The following COL18A1 variants were observed in gnomAD, a reference collection of about 807,000 sequenced individuals.
The protein encoded by COL18A1 is collagen type XVIII alpha 1 chain.
A neutral mutation model predicts 168.0 loss-of-function variants in COL18A1; 133 were observed. That is an observed-to-expected ratio of 0.79 (90% CI 0.69 to 0.91). COL18A1 has a LOEUF of 0.91. Ranked by LOEUF, COL18A1 falls within the 40% of genes least tolerant of loss-of-function variation. The probability of loss-of-function intolerance (pLI) is 0.00; values close to 1 mark genes in which losing one functional copy is unlikely to be tolerated. For missense variants in COL18A1, 2,126 were observed against 1,925.4 expected (o/e 1.10, Z -1.95); for synonymous variants, 949 against 809.0 (o/e 1.17, Z -2.94).
chr21:45,503,939 T>C, intron 32 of COL18A1, 72 bp from the exon 33 acceptor site: 1 of 1,570,502 alleles, frequency 6.4e-7, no homozygotes, highest in Non-Finnish European at 8.8e-7. Context: ...CCACCAGTGC[T>C]GGGGGCTGCA....
At chr21:45,477,222 T>A (rs2035708029) in intron 6 of COL18A1, among the ~76,000 whole-genome samples, 189 bp from the exon 7 acceptor site, 1 of 152,194 alleles carries the variant, frequency 6.6e-6, no homozygotes, top group South Asian at 2.1e-4. Context: ...TTTTAAATTC[T>A]GTCTCCCTGT....
chr21:45,474,004 G>A, intron 4 of COL18A1, 23 bp downstream of exon 4: 1 of 1,559,538 alleles, frequency 6.4e-7, no homozygotes, highest in Non-Finnish European at 8.7e-7. Flanking sequence ...TGGGGCACGG[G>A]TGGGGTCTCC....
intron 2 of COL18A1, among the ~76,000 whole-genome samples, chr21:45,429,897 G>C (rs77297824): frequency 6.6e-6 from 1 of 151,398 alleles, no homozygotes; most frequent in African/African-American, 2.4e-5. Context: ...CTGTGAAGCG[G>C]GGTCATGGTT....
intron 2 of COL18A1, among the ~76,000 whole-genome samples, chr21:45,411,759 CGGGGGGTGGGGG>C (rs1418789411): frequency 1.3e-4 from 1 of 7,582 alleles, no homozygotes; most frequent in Non-Finnish European, 2.5e-4. Context: ...GGGCTGATGG[CGGGGGGTGGGGG>C]GGGGGCAGGC....
chr21:45,510,154 G>A lies in COL18A1; in HGVS notation c.3586G>A (p.Val1196Met), dbSNP rs755388454. ...CCAGTGCTTCCAGCAGGCGCGGGCCGTGGGGCTGGCGGGCACCTTCCGCGC... is the reference window on the plus strand; with the variant it reads ...CCAGTGCTTCCAGCAGGCGCGGGCCATGGGGCTGGCGGGCACCTTCCGCGC... ...DFQCFQQARA[V>M]GLAGTFRAFL... The change falls in exon 40 of 42, where the codon GTG becomes ATG. Residue 1196 changes from valine (V) to methionine (M), a missense_variant. Coordinates refer to ENST00000651438, the MANE Select transcript of COL18A1 (RefSeq NM_001379500.1). 54 of 1,598,614 alleles carry A rather than the reference G, an allele frequency of 3.4e-5. No homozygotes were observed. The highest frequency in any genetic ancestry group is 3.2e-4 in the Admixed American group (19 of 58,578).
At chr21:45,408,279 C>T (rs1173703334) in intron 2 of COL18A1, among the ~76,000 whole-genome samples, 1 of 152,262 alleles carries the variant, frequency 6.6e-6, no homozygotes, top group East Asian at 1.9e-4. Flanking sequence ...CACAATTGTG[C>T]ACACAGGTGC....
rs2033899027 is a variant in COL18A1 at position 45,429,590 on chromosome 21, G to C, written c.106+24117G>C. On this transcript the variant is annotated intron_variant, in intron 2 of 41. Transcript: ENST00000651438. ...CCTCTCCAGTCTCATGATGGGGCTG[G>C]AGGCATCTTCTAGTTTTGAGTTCTG... Among the ~76,000 whole-genome samples, 3 of 152,162 alleles carry C rather than the reference G, an allele frequency of 2.0e-5. No homozygotes were observed. The South Asian group carries it at 6.2e-4, about 32-fold the overall frequency.
intron 32 of COL18A1, among the ~76,000 whole-genome samples, chr21:45,503,200 G>A: frequency 6.6e-6 from 1 of 152,272 alleles, no homozygotes; most frequent in East Asian, 1.9e-4. Flanking sequence ...GTGTAAAAGT[G>A]TTCCTATTTC....
At chr21:45,412,980 C>T (rs1236794314) in intron 2 of COL18A1, among the ~76,000 whole-genome samples, 3 of 152,206 alleles carry the variant, frequency 2.0e-5, no homozygotes, top group Admixed American at 6.5e-5. Context: ...TCACCCTCTC[C>T]GTGTCTTGGT....
chr21:45,406,804 T>C (rs953255650), intron 2 of COL18A1, among the ~76,000 whole-genome samples: 1 of 152,260 alleles, frequency 6.6e-6, no homozygotes, highest in Non-Finnish European at 1.5e-5. Flanking sequence ...ATGGTTTTTT[T>C]GCCTTTGAAT....
At chr21:45,418,854 A>G (rs1427632004) in intron 2 of COL18A1, among the ~76,000 whole-genome samples, 1 of 151,994 alleles carries the variant, frequency 6.6e-6, no homozygotes, top group Non-Finnish European at 1.5e-5. Context: ...GATGGCCAAT[A>G]CACACCCTCT....
At chr21:45,496,106 C>CTATGCCCTCCATGCCCTT in intron 29 of COL18A1, 1 of 390,022 alleles carries the variant, frequency 2.6e-6, no homozygotes, top group Non-Finnish European at 4.9e-6. Context: ...TCCATGCCCT[C>CTATGCCCTCCATGCCCTT]CATGCCCTCC....
At chr21:45,470,480 G>GTTTTTTTTTTT (rs2035375794) in intron 3 of COL18A1, among the ~76,000 whole-genome samples, 1 of 85,358 alleles carries the variant, frequency 1.2e-5, no homozygotes, top group East Asian at 3.5e-4. Flanking sequence ...TTTTTTTGTG[G>GTTTTTTTTTTT]GTTTTTTTTT....
intron 27 of COL18A1, 135 bp from the exon 28 acceptor site, chr21:45,494,727 C>CT (rs1030871207): frequency 6.1e-6 from 8 of 1,308,354 alleles, no homozygotes; most frequent in Non-Finnish European, 8.7e-6. Flanking sequence ...CGTGAGGCTG[C>CT]AGTGGGCTCC....
intron 38 of COL18A1, 67 bp downstream of exon 38, chr21:45,507,660 T>C (rs1050455930): frequency 2.7e-5 from 40 of 1,458,652 alleles, no homozygotes; most frequent in Non-Finnish European, 3.8e-5. Context: ...TGCTGTCCCC[T>C]GTTTGAGGAA....
At chr21:45,501,286 A>C (rs974681278) in intron 32 of COL18A1, among the ~76,000 whole-genome samples, 9 of 152,066 alleles carry the variant, frequency 5.9e-5, no homozygotes, top group African/African-American at 1.9e-4. Flanking sequence ...GAAAAAGAAA[A>C]ACACAAATCA....
At chr21:45,424,279 G>C (rs1235325019) in intron 2 of COL18A1, 1 of 152,330 alleles carries the variant, frequency 6.6e-6, no homozygotes. Context: ...GGCCCTGGTG[G>C]TGTTGGCAGG....
In COL18A1 at chr21:45,477,505, T is replaced by A; in HGVS notation, c.1005+18T>A. 1 of 1,596,108 alleles carries A rather than the reference T, an allele frequency of 6.3e-7. No individual in the cohort carries two copies. Among genetic ancestry groups the A allele is most frequent in the Non-Finnish European group, 8.5e-7 (1 of 1,170,816 alleles). On this transcript the variant is annotated intron_variant, in intron 7 of 41. Transcript: ENST00000651438. ...TGAAAGAGGTAAGGCCACCTCCCTG[T>A]GCTCCTGAACCATTCTGAACCAGAG... is the stretch of plus-strand genomic sequence containing the variant.
rs1337435106 is a variant in COL18A1, at chr21:45,498,876, A to G, written c.2683+1215A>G. ...GGCAGCAGAGAGCTGGGAAGCTCAG[A>G]GGTGTCAGGATGAACCTGGGGCTGA... On this transcript the variant is annotated intron_variant, in intron 32 of 41. Coordinates refer to ENST00000651438, the MANE Select transcript of COL18A1 (RefSeq NM_001379500.1). The surrounding 1 kb of genome is among the most constrained non-coding windows in gnomAD (Gnocchi z 4.5). 1.3e-5 allele frequency among the ~76,000 whole-genome samples: 2 copies of G among 152,214 alleles called. No homozygotes were observed. Among genetic ancestry groups the G allele is most frequent in the African/African-American group, 2.4e-5 (1 of 41,452 alleles).
Sources: gnomAD v4.1 joint callset for allele counts (sites outside exome capture counted in the v4.1 genomes callset) on GRCh38, gnomAD v4.1.1 for gene constraint, Gnocchi (gnomAD v3.1) non-coding constraint, MANE v1.5 for transcripts, NCBI Gene and HGNC (gene_info 2026-07-23, HGNC 2026-07-21) for gene names.